The following EEF1G variants were observed in gnomAD, a reference collection of about 807,000 sequenced individuals.
EEF1G encodes eukaryotic translation elongation factor 1 gamma.
Under a neutral mutation model 58.3 loss-of-function variants are expected in EEF1G, and 14 were observed. That is an observed-to-expected ratio of 0.24 (90% CI 0.16 to 0.38). The LOEUF (loss-of-function observed/expected upper bound fraction) is 0.38. Ranked by LOEUF, EEF1G falls within the 10% of genes least tolerant of loss-of-function variation. The probability of loss-of-function intolerance (pLI) is 1.00; values close to 1 mark genes in which losing one functional copy is unlikely to be tolerated. For synonymous variants in EEF1G, 180 were observed against 206.8 expected, an observed-to-expected ratio of 0.87 and a Z score of 1.11; for missense variants, 322 against 550.1, an observed-to-expected ratio of 0.59 and a Z score of 4.15.
At position 62,559,789 on chromosome 11, in the gene EEF1G, G is replaced by A. The variant is rs753217704; in HGVS notation, c.1204C>T (p.Leu402=). The stretch of plus-strand genomic sequence containing the variant: ...TGGGTCTCCTCGCTGCCAGGATCCA[G>A]TTTCCGCCATGTGTATGACTCGTAG... ...VDYESYTWRK[L]DPGSEETQTL... The change falls in exon 10 of 10, where the codon CTG becomes TTG. Residue 402 remains leucine, a synonymous_variant. Transcript: ENST00000329251. 6.2e-7 allele frequency: 1 copy of A among 1,614,010 alleles called. No homozygotes were observed. The highest frequency in any genetic ancestry group is 1.1e-5 in the South Asian group (1 of 91,086).
intron 7 of EEF1G, among the ~76,000 whole-genome samples, chr11:62,564,686 C>G (rs572996447): frequency 4.5e-4 from 60 of 132,874 alleles, no homozygotes; most frequent in African/African-American, 1.6e-3. Context: ...TTGAACCCGG[C>G]AGGTGGAGGT....
rs56838630 is a variant in EEF1G at position 62,568,387 on chromosome 11, CAAA to C, written c.523-862_523-860del. Among the ~76,000 whole-genome samples the C allele has an allele frequency of 7.8e-3, 472 of 60,176 alleles. 3 individuals are homozygous for C. The highest frequency in any genetic ancestry group is 0.027 in the East Asian group (46 of 1,684). 39.5% of individuals were successfully genotyped at this position (60,176 alleles called of 152,430 possible). ...TGGGTGACAGAGTGAGACTCTGTCT[CAAA>C]AAAAAAAAAAAAAAAAAAAAATTTT... is the stretch of plus-strand genomic sequence containing the variant. On this transcript the variant is annotated intron_variant, in intron 5 of 9. Coordinates refer to ENST00000329251, the MANE Select transcript of EEF1G (RefSeq NM_001404.5).
chr11:62,571,989 T>TA, intron 2 of EEF1G, 88 bp from the exon 3 acceptor site: 1 of 1,095,986 alleles, frequency 9.1e-7, no homozygotes, highest in South Asian at 1.4e-5. Context: ...TGAAAATACT[T>TA]ATATAAGGCT....
At chr11:62,573,560 C>T in intron 1 of EEF1G, 4 of 575,410 alleles carry the variant, frequency 7.0e-6, no homozygotes, top group Middle Eastern at 3.1e-4. Flanking sequence ...AAAGCGGCAA[C>T]AGAGCCGAAC....
intron 5 of EEF1G, among the ~76,000 whole-genome samples, chr11:62,568,831 G>C (rs1941589067): frequency 6.6e-6 from 1 of 152,026 alleles, no homozygotes; most frequent in African/African-American, 2.4e-5. Flanking sequence ...AAATCAGCCA[G>C]GCATGGTTGC....
At chr11:62,566,472 G>A (rs1051305492) in intron 7 of EEF1G, among the ~76,000 whole-genome samples, 9 of 152,130 alleles carry the variant, frequency 5.9e-5, no homozygotes, top group Admixed American at 5.9e-4. Flanking sequence ...TCCTCCCCAC[G>A]CCTCTCCCTG....
At chr11:62,567,051 C>A in intron 6 of EEF1G, 41 bp from the exon 7 acceptor site, 1 of 1,601,672 alleles carries the variant, frequency 6.2e-7, no homozygotes, top group Non-Finnish European at 8.6e-7. Context: ...AATGTTCTGC[C>A]TCTTTCCACA....
chr11:62,563,891 T>C (rs1941527391), intron 7 of EEF1G, among the ~76,000 whole-genome samples: 1 of 152,176 alleles, frequency 6.6e-6, no homozygotes, highest in African/African-American at 2.4e-5. Context: ...CCTTAAAACC[T>C]CAACCACACC....
intron 7 of EEF1G, among the ~76,000 whole-genome samples, chr11:62,561,106 G>C (rs761190630): frequency 3.3e-5 from 5 of 152,158 alleles, no homozygotes; most frequent in Non-Finnish European, 7.3e-5. Context: ...TTTCTTTCCA[G>C]TTATAAACAT....
intron 7 of EEF1G, among the ~76,000 whole-genome samples, chr11:62,563,056 G>A (rs1209268456): frequency 6.6e-6 from 1 of 150,840 alleles, no homozygotes; most frequent in Non-Finnish European, 1.5e-5. Context: ...GTTGCAGTGA[G>A]CCGAGATCAC....
At chr11:62,572,066 T>TC (rs770241881) in intron 2 of EEF1G, among the ~76,000 whole-genome samples, 165 bp from the exon 3 acceptor site, 3 of 152,134 alleles carry the variant, frequency 2.0e-5, no homozygotes, top group Admixed American at 1.3e-4. Flanking sequence ...GAACTTGGCC[T>TC]CCTTTGCAAT....
At chr11:62,568,000 C>A (rs1354800087) in intron 5 of EEF1G, among the ~76,000 whole-genome samples, 2 of 150,854 alleles carry the variant, frequency 1.3e-5, no homozygotes, top group African/African-American at 4.9e-5. Context: ...ATCTCCGAGG[C>A]GGGCGGATCA....
At chr11:62,561,683 A>AAAAAAAAAAC (rs1941497423) in intron 7 of EEF1G, among the ~76,000 whole-genome samples, 15 of 6,936 alleles carry the variant, frequency 2.2e-3, no homozygotes, top group Admixed American at 4.2e-3. Flanking sequence ...AAAAAAAAAC[A>AAAAAAAAAAC]AAAAAAAAAA....
chr11:62,562,584 C>T (rs1298964606), intron 7 of EEF1G, among the ~76,000 whole-genome samples: 1 of 152,026 alleles, frequency 6.6e-6, no homozygotes, highest in South Asian at 2.1e-4. Context: ...CGGGTTCAAG[C>T]GATTCTCCTG....
At chr11:62,568,416 AAT>A (rs1317311420) in intron 5 of EEF1G, among the ~76,000 whole-genome samples, 22 of 150,196 alleles carry the variant, frequency 1.5e-4, no homozygotes, top group African/African-American at 4.6e-4. Context: ...AAAAAATTTT[AAT>A]AGAGATGGGG....
chr11:62,559,817 C>T lies in EEF1G; in HGVS notation c.1176G>A (p.Val392=), dbSNP rs779621375. The change falls in exon 10 of 10, where the codon GTG becomes GTA. Residue 392 remains valine (V), a synonymous_variant. Transcript: ENST00000329251. ...TCCGCCATGTGTATGACTCGTAGTC[C>T]ACCTGCCAATCTGGACTCAGCTGGG... The part of the protein sequence containing the change: ...LAFPLSPDWQ[V]DYESYTWRKL... The T allele has an allele frequency of 2.5e-6, 4 of 1,613,856 alleles. No individual in the cohort carries two copies. Among genetic ancestry groups the T allele is most frequent in the East Asian group, 2.2e-5 (1 of 44,902 alleles).
intron 7 of EEF1G, among the ~76,000 whole-genome samples, chr11:62,563,959 G>A (rs987469327): frequency 2.6e-5 from 4 of 152,066 alleles, no homozygotes; most frequent in Admixed American, 1.3e-4. Context: ...TATTTGTTTT[G>A]AGACAGGGTC....
intron 7 of EEF1G, 134 bp downstream of exon 7, chr11:62,566,672 T>C: frequency 1.2e-6 from 1 of 864,114 alleles, no homozygotes; most frequent in Non-Finnish European, 1.8e-6. Flanking sequence ...GCTGCTTTAT[T>C]TGCAACTAAA....
At chr11:62,568,462 G>T (rs558969349) in intron 5 of EEF1G, among the ~76,000 whole-genome samples, 1 of 150,252 alleles carries the variant, frequency 6.7e-6, no homozygotes, top group African/African-American at 2.5e-5. Flanking sequence ...TCTTGAACTC[G>T]CATGCTCAAG....
Sources: allele counts gnomAD v4.1 joint callset (sites outside exome capture counted in the v4.1 genomes callset), GRCh38; gene constraint gnomAD v4.1.1; transcripts MANE v1.5; gene names NCBI Gene and HGNC (gene_info 2026-07-23, HGNC 2026-07-21).